THSD4: variants seen among roughly 807,000 people sequenced by gnomAD.
THSD4 encodes the protein thrombospondin type-1 domain-containing protein 4.
A neutral mutation model predicts 119.0 loss-of-function variants in THSD4; 69 were observed. That is an observed-to-expected ratio of 0.58 (90% CI 0.48 to 0.71). THSD4 has a LOEUF of 0.71. Ranked by LOEUF, THSD4 falls within the 30% of genes least tolerant of loss-of-function variation. THSD4 has a pLI of 0.00. For synonymous variants in THSD4, 524 were observed against 540.4 expected (o/e 0.97, Z 0.42); for missense variants, 1,393 against 1,391.1 (o/e 1.00, Z -0.02).
chr15:71,271,145 T>A (rs2044153), intron 6 of THSD4, among the ~76,000 whole-genome samples: 150,511 of 152,306 alleles, frequency 0.99, 74,390 homozygotes, highest in Middle Eastern at 1. Context: ...AAGTAATCGT[T>A]TTGCCATAAA....
At chr15:71,263,721 A>G (rs113930110) in intron 6 of THSD4, among the ~76,000 whole-genome samples, 1 of 152,162 alleles carries the variant, frequency 6.6e-6, no homozygotes, top group Non-Finnish European at 1.5e-5. Context: ...ATTAGAATTG[A>G]TCCACATTGT....
intron 7 of THSD4, among the ~76,000 whole-genome samples, chr15:71,499,656 T>C (rs1245968694): frequency 6.6e-6 from 1 of 152,214 alleles, no homozygotes; most frequent in Admixed American, 6.5e-5. Flanking sequence ...CAACTCCTTG[T>C]TTCTTCCTTC....
intron 16 of THSD4, among the ~76,000 whole-genome samples, chr15:71,767,858 C>T (rs895218987): frequency 2.0e-5 from 3 of 152,160 alleles, no homozygotes; most frequent in Non-Finnish European, 4.4e-5. Context: ...CACAACAGAG[C>T]TCATGTCCAA....
chr15:71,514,933 T>C (rs1293622386), intron 7 of THSD4, among the ~76,000 whole-genome samples: 1 of 152,190 alleles, frequency 6.6e-6, no homozygotes. Context: ...TGCTACTACA[T>C]ATTTAAATTG....
intron 7 of THSD4, among the ~76,000 whole-genome samples, chr15:71,575,496 C>A (rs1251699042): frequency 6.6e-6 from 1 of 152,102 alleles, no homozygotes; most frequent in Non-Finnish European, 1.5e-5. Flanking sequence ...AATGAATGAA[C>A]AAGAAGAGTA....
intron 6 of THSD4, among the ~76,000 whole-genome samples, chr15:71,285,356 T>C (rs1391423806): frequency 2.0e-5 from 3 of 152,162 alleles, no homozygotes; most frequent in Admixed American, 2.0e-4. Flanking sequence ...TGTTTGGTGG[T>C]ATTATTGATT....
chr15:71,764,938 G>T (rs563742708), intron 15 of THSD4, 82 bp from the exon 16 acceptor site: 1 of 1,500,626 alleles, frequency 6.7e-7, no homozygotes, highest in Admixed American at 2.1e-5. Flanking sequence ...GACGGTGCCC[G>T]TCATAAGCAT....
chr15:71,587,101 A>G (rs943451088), intron 7 of THSD4, among the ~76,000 whole-genome samples: 5 of 150,480 alleles, frequency 3.3e-5, no homozygotes, highest in Non-Finnish European at 5.9e-5. Flanking sequence ...TAGAATGGCA[A>G]TCATTAAAAA....
intron 16 of THSD4, among the ~76,000 whole-genome samples, chr15:71,770,318 T>G (rs1595935120): frequency 8.2e-6 from 1 of 121,736 alleles, no homozygotes; most frequent in Admixed American, 9.1e-5. Context: ...AATTCCAGCA[T>G]GTGTATGAAT....
intron 6 of THSD4, among the ~76,000 whole-genome samples, chr15:71,366,487 G>A (rs2045966533): frequency 1.3e-5 from 2 of 152,146 alleles, no homozygotes; most frequent in South Asian, 4.1e-4. Context: ...CCTCTCATGG[G>A]CTCTTTTGAG....
At chr15:71,155,987 C>T (rs913053794) in intron 3 of THSD4, among the ~76,000 whole-genome samples, 3 of 152,162 alleles carry the variant, frequency 2.0e-5, no homozygotes, top group East Asian at 1.9e-4. Context: ...ATTGCATATG[C>T]TTCCCTTCAG....
chr15:71,679,781 C>T (rs1018470940), intron 8 of THSD4, among the ~76,000 whole-genome samples: 3 of 152,182 alleles, frequency 2.0e-5, no homozygotes, highest in East Asian at 3.8e-4. Context: ...CTCTGCTCTG[C>T]AGACAGTTTG....
intron 7 of THSD4, among the ~76,000 whole-genome samples, chr15:71,413,329 T>C (rs1189306706): frequency 6.6e-6 from 1 of 152,344 alleles, no homozygotes; most frequent in African/African-American, 2.4e-5. Context: ...CTTTTAGTTT[T>C]CTTAAAATAT....
intron 7 of THSD4, among the ~76,000 whole-genome samples, chr15:71,506,404 A>G (rs768411298): frequency 2.0e-5 from 3 of 152,160 alleles, no homozygotes; most frequent in South Asian, 2.1e-4. Flanking sequence ...TTCCCCATGT[A>G]CTGTCAAGAG....
chr15:71,157,676 ACT>A (rs1208904850), intron 3 of THSD4, among the ~76,000 whole-genome samples: 1 of 78,282 alleles, frequency 1.3e-5, no homozygotes, highest in South Asian at 4.7e-4. Context: ...TTCTATATCA[ACT>A]CTTTTTTTTT....
upstream of THSD4, chr15:71,110,839 C>T (rs2040298677): frequency 5.6e-6 from 2 of 355,058 alleles, no homozygotes; most frequent in Non-Finnish European, 5.1e-6. Flanking sequence ...TCATAGTTGG[C>T]TTCAATAAAT....
At chr15:71,449,839 T>C (rs1441479761) in intron 7 of THSD4, among the ~76,000 whole-genome samples, 1 of 152,234 alleles carries the variant, frequency 6.6e-6, no homozygotes, top group African/African-American at 2.4e-5. Context: ...TGAAAAGCAG[T>C]CATCTTAATA....
intron 7 of THSD4, among the ~76,000 whole-genome samples, chr15:71,444,562 A>G (rs923726630): frequency 6.6e-6 from 1 of 152,140 alleles, no homozygotes; most frequent in African/African-American, 2.4e-5. Flanking sequence ...CACACATCTC[A>G]CAGCACCTCA....
intron 1 of THSD4, among the ~76,000 whole-genome samples, chr15:71,140,426 C>T (rs949351441): frequency 6.6e-6 from 1 of 152,104 alleles, no homozygotes; most frequent in Admixed American, 6.6e-5. Flanking sequence ...AGAGTGAGAA[C>T]TCACTCATTA....
Sources: gnomAD v4.1 joint callset for allele counts (sites outside exome capture counted in the v4.1 genomes callset) on GRCh38, gnomAD v4.1.1 for gene constraint, MANE v1.5 for transcripts, NCBI Gene and HGNC (gene_info 2026-07-23, HGNC 2026-07-21) for gene names.